The following CNTN5 variants were observed in gnomAD, a reference collection of about 807,000 sequenced individuals.
CNTN5 encodes contactin-5.
A neutral mutation model predicts 129.1 loss-of-function variants in CNTN5; 77 were observed. That is an observed-to-expected ratio of 0.60 (90% CI 0.50 to 0.72). The LOEUF is 0.72. CNTN5 is among the 30% of genes least tolerant of loss of function. CNTN5 has a pLI of 0.00. For synonymous variants in CNTN5, 509 were observed against 465.6 expected (o/e 1.09, Z -1.20); for missense variants, 1,478 against 1,328.8 (o/e 1.11, Z -1.75).
intron 23 of CNTN5, 81 bp downstream of exon 23, chr11:100,341,286 A>C: frequency 5.9e-6 from 6 of 1,019,504 alleles, no homozygotes; most frequent in Non-Finnish European, 9.2e-6. Context: ...TAAGGCATAA[A>C]AAGACCCATT....
At chr11:99,489,749 A>C (rs1945961688) in intron 2 of CNTN5, among the ~76,000 whole-genome samples, 1 of 152,180 alleles carries the variant, frequency 6.6e-6, no homozygotes, top group South Asian at 2.1e-4. Context: ...AATTCAGGAA[A>C]GTACAGATGT....
chr11:100,208,805 C>A (rs775123483), intron 15 of CNTN5, among the ~76,000 whole-genome samples: 18 of 152,294 alleles, frequency 1.2e-4, no homozygotes, highest in Non-Finnish European at 1.8e-4. Flanking sequence ...TGACTCAAAT[C>A]TAATGGTCAG....
chr11:99,340,921 G>A (rs2614547), intron 2 of CNTN5, among the ~76,000 whole-genome samples: 150,634 of 152,274 alleles, frequency 0.99, 74,528 homozygotes, highest in East Asian at 1. Context: ...AATATTTTGG[G>A]TAAACTTTTC....
chr11:100,067,455 A>G, intron 10 of CNTN5, among the ~76,000 whole-genome samples: 1 of 147,174 alleles, frequency 6.8e-6, no homozygotes, highest in South Asian at 2.2e-4. Flanking sequence ...AAGTGACATC[A>G]CCAAGTTATG....
At chr11:99,575,381 G>T (rs139274993) in intron 3 of CNTN5, among the ~76,000 whole-genome samples, 1 of 152,090 alleles carries the variant, frequency 6.6e-6, no homozygotes, top group Non-Finnish European at 1.5e-5. Flanking sequence ...TCTTTACCTC[G>T]GAATAGGTAC....
At chr11:99,676,630 A>G (rs377282011) in intron 3 of CNTN5, among the ~76,000 whole-genome samples, 97 of 152,306 alleles carry the variant, frequency 6.4e-4, no homozygotes, top group African/African-American at 2.3e-3. Flanking sequence ...TTTTCGTTTC[A>G]TAATTTGGTA....
chr11:99,830,963 C>T (rs748672609), intron 4 of CNTN5, among the ~76,000 whole-genome samples: 1 of 152,008 alleles, frequency 6.6e-6, no homozygotes, highest in Non-Finnish European at 1.5e-5. Flanking sequence ...ATTTCTATAC[C>T]ATGATAGTAT....
intron 3 of CNTN5, among the ~76,000 whole-genome samples, chr11:99,595,809 G>C (rs536610411): frequency 6.6e-6 from 1 of 151,920 alleles, no homozygotes. Flanking sequence ...AGAAATGTGT[G>C]ATCTTTATAA....
intron 13 of CNTN5, among the ~76,000 whole-genome samples, chr11:100,089,696 C>A (rs750182952): frequency 1.1e-4 from 17 of 152,120 alleles, no homozygotes; most frequent in Admixed American, 5.2e-4. Flanking sequence ...ACATATACGT[C>A]ATGGAATACT....
intron 13 of CNTN5, among the ~76,000 whole-genome samples, chr11:100,090,550 C>CTTT (rs1472664840): frequency 3.7e-5 from 4 of 108,946 alleles, no homozygotes; most frequent in African/African-American, 1.4e-4. Flanking sequence ...TTCCTTCCTT[C>CTTT]CCTCCCTCCC....
At chr11:99,395,332 T>C (rs992267016) in intron 2 of CNTN5, among the ~76,000 whole-genome samples, 6 of 152,072 alleles carry the variant, frequency 3.9e-5, no homozygotes, top group Admixed American at 2.6e-4. Flanking sequence ...GTCATATGTA[T>C]GTCTTCTTTT....
intron 4 of CNTN5, among the ~76,000 whole-genome samples, chr11:99,843,674 A>G (rs1305209260): frequency 6.6e-6 from 1 of 152,056 alleles, no homozygotes; most frequent in East Asian, 1.9e-4. Flanking sequence ...ATTATTACAC[A>G]TTGGAGAGAG....
chr11:99,888,492 G>C (rs10791031), intron 6 of CNTN5, among the ~76,000 whole-genome samples: 126,863 of 152,214 alleles, frequency 0.83, 52,988 homozygotes, highest in East Asian at 0.91. Context: ...CTGACAACAG[G>C]AAGTGCCTAA....
At chr11:99,521,762 G>A (rs2135440542) in intron 2 of CNTN5, among the ~76,000 whole-genome samples, 1 of 152,290 alleles carries the variant, frequency 6.6e-6, no homozygotes, top group Admixed American at 6.5e-5. Flanking sequence ...AAAAGCTAGA[G>A]CATCAGTAAT....
intron 2 of CNTN5, among the ~76,000 whole-genome samples, chr11:99,410,030 G>T (rs1004671345): frequency 4.6e-5 from 7 of 152,154 alleles, no homozygotes; most frequent in African/African-American, 1.7e-4. Context: ...GAGTTATAAG[G>T]TGTTTTGCCA....
Position 99,493,544 on chromosome 11 carries a change from A to G in CNTN5, c.-70-62601A>G, listed in dbSNP as rs1343999261. Among the ~76,000 whole-genome samples, 5 of 152,216 alleles carry G rather than the reference A, an allele frequency of 3.3e-5. No individual in the cohort carries two copies. In the East Asian group the frequency reaches 5.8e-4, roughly 18 times the overall value. ...TTAAGTTTATAAATTCAGTTAGCAA[A>G]TATTAATGGAGAAACTTAAGTGACA... is the stretch of plus-strand genomic sequence containing the variant. On this transcript the variant is annotated intron_variant, in intron 2 of 24. Coordinates refer to ENST00000524871, the MANE Select transcript of CNTN5 (RefSeq NM_014361.4).
At chr11:100,132,144 G>T (rs757337067) in intron 13 of CNTN5, among the ~76,000 whole-genome samples, 16 of 152,096 alleles carry the variant, frequency 1.1e-4, no homozygotes, top group Admixed American at 2.0e-4. Context: ...GTTGAACTCT[G>T]GTTGACCTCA....
intron 3 of CNTN5, among the ~76,000 whole-genome samples, chr11:99,665,069 G>T (rs925564910): frequency 3.3e-5 from 5 of 152,112 alleles, no homozygotes; most frequent in Non-Finnish European, 5.9e-5. Flanking sequence ...ATACTTCATT[G>T]AATATATAGT....
chr11:100,291,766 TA>T (rs1950980516), intron 18 of CNTN5, among the ~76,000 whole-genome samples: 1 of 109,112 alleles, frequency 9.2e-6, no homozygotes. Context: ...AATAAATAAA[TA>T]AATAAATAAA....
Sources: allele counts gnomAD v4.1 joint callset (sites outside exome capture counted in the v4.1 genomes callset), GRCh38; gene constraint gnomAD v4.1.1; transcripts MANE v1.5; gene names NCBI Gene and HGNC (gene_info 2026-07-23, HGNC 2026-07-21).